The following IPO5 variants were observed in gnomAD, a reference collection of about 807,000 sequenced individuals.
The protein encoded by IPO5 is importin-5.
In IPO5, 18 loss-of-function variants were observed where a neutral mutation model predicts 143.3. The ratio of observed to expected loss-of-function variants is 0.13; its 90% CI spans 0.09 to 0.19. IPO5 has a LOEUF of 0.19. Ranked by LOEUF, IPO5 falls within the 10% of genes least tolerant of loss-of-function variation. The probability of loss-of-function intolerance (pLI) is 1.00; values close to 1 mark genes in which losing one functional copy is unlikely to be tolerated. For missense variants in IPO5, 1,013 were observed against 1,336.9 expected, an observed-to-expected ratio of 0.76 and a Z score of 3.78; for synonymous variants, 477 against 465.7, an observed-to-expected ratio of 1.02 and a Z score of -0.31.
chr13:98,017,437 A>G (rs1266439872), intron 25 of IPO5, among the ~76,000 whole-genome samples: 1 of 151,912 alleles, frequency 6.6e-6, no homozygotes, highest in Non-Finnish European at 1.5e-5. Context: ...GGTTCAAGCA[A>G]TTCAGACGCA....
rs1714750887 is a variant in IPO5 at position 98,023,189 on chromosome 13, T to C, written c.*1367T>C. 6.6e-6 allele frequency: 1 copy of C among 152,558 alleles called. No homozygotes were observed. The highest frequency in any genetic ancestry group is 1.5e-5 in the Non-Finnish European group (1 of 68,044). 9.5% of individuals were successfully genotyped at this position (152,558 alleles called of 1,614,324 possible). ...ATGCCCTTCAAATATATTTTACGTT[T>C]GCAGCACAACACCATTGCCCGGAGG... On this transcript the variant is annotated 3_prime_UTR_variant, in exon 29 of 29. Transcript: ENST00000651721.
At chr13:97,965,846 T>C (rs567534978) in intron 2 of IPO5, among the ~76,000 whole-genome samples, 2 of 151,568 alleles carry the variant, frequency 1.3e-5, no homozygotes, top group African/African-American at 4.9e-5. Context: ...TGAATAGAGA[T>C]AGAATTTCCA....
intron 6 of IPO5, among the ~76,000 whole-genome samples, chr13:97,988,617 G>A (rs901062772): frequency 2.6e-5 from 4 of 152,112 alleles, no homozygotes; most frequent in African/African-American, 7.2e-5. Flanking sequence ...GCCAAACCTC[G>A]TCTCTACTAA....
At chr13:97,962,034 C>A (rs1459269491) in intron 2 of IPO5, among the ~76,000 whole-genome samples, 1 of 152,180 alleles carries the variant, frequency 6.6e-6, no homozygotes, top group South Asian at 2.1e-4. Flanking sequence ...GAGGCTGAGG[C>A]AGGAGAATCA....
intron 2 of IPO5, among the ~76,000 whole-genome samples, chr13:97,955,573 A>AGTG (rs1884399186): frequency 6.6e-6 from 1 of 152,204 alleles, no homozygotes; most frequent in African/African-American, 2.4e-5. Context: ...AGCAAGCCTA[A>AGTG]GTGGCCTGTG....
intron 22 of IPO5, 45 bp from the exon 23 acceptor site, chr13:98,015,485 A>T (rs1890065207): frequency 8.7e-7 from 1 of 1,143,290 alleles, no homozygotes; most frequent in Non-Finnish European, 1.3e-6. Context: ...TGGACTCCAA[A>T]CACCCCAAAT....
At chr13:98,006,505 G>A (rs914470420) in intron 17 of IPO5, among the ~76,000 whole-genome samples, 157 bp downstream of exon 17, 14 of 151,002 alleles carry the variant, frequency 9.3e-5, no homozygotes, top group African/African-American at 3.4e-4. Context: ...CTCCCGAGTA[G>A]CTGGGACTAC....
chr13:97,966,902 G>C (rs967528463), intron 2 of IPO5, among the ~76,000 whole-genome samples: 1 of 152,138 alleles, frequency 6.6e-6, no homozygotes, highest in Non-Finnish European at 1.5e-5. Context: ...CGGGTGTGGT[G>C]GTGTGTGCCT....
At chr13:97,985,291 T>G in intron 5 of IPO5, 130 bp from the exon 6 acceptor site, 1 of 687,548 alleles carries the variant, frequency 1.5e-6, no homozygotes, top group Non-Finnish European at 2.4e-6. Context: ...TATAATAGAC[T>G]AATGTAATTA....
At position 98,013,944 on chromosome 13, in the gene IPO5, A is replaced by G. The variant is rs963513696; in HGVS notation, c.2153-98A>G. 91 of 977,626 alleles carry G rather than the reference A, an allele frequency of 9.3e-5. 1 individual carries two copies. The Admixed American group carries it at 2.0e-3, about 22-fold the overall frequency. 60.6% of individuals were successfully genotyped at this position (977,626 alleles called of 1,614,324 possible). A position where few individuals can be genotyped will look rare whatever the true frequency, so the allele number is the denominator to read the frequency against. On this transcript the variant is annotated intron_variant, in intron 21 of 28. Coordinates refer to ENST00000651721, the MANE Select transcript of IPO5 (RefSeq NM_002271.6). ...TAACACAAGCTCTTGGGTATCTTAG[A>G]TAAACAGAAGTTGCCTAGCACTCCT...
At chr13:98,000,187 A>AGGTAGGAGAATAGCATGAAGCTGG (rs1566530087) in intron 12 of IPO5, among the ~76,000 whole-genome samples, 5 of 152,164 alleles carry the variant, frequency 3.3e-5, no homozygotes, top group Non-Finnish European at 1.5e-5. Flanking sequence ...CGGGAGGCTG[A>AGGTAGGAGAATAGCATGAAGCTGG]GGTAGGAGAA....
At chr13:97,988,743 G>A (rs913262262) in intron 6 of IPO5, among the ~76,000 whole-genome samples, 4 of 152,126 alleles carry the variant, frequency 2.6e-5, no homozygotes, top group African/African-American at 4.8e-5. Flanking sequence ...AACCGAGATC[G>A]CGCCATTGCA....
At chr13:97,980,342 C>T (rs894330503) in intron 4 of IPO5, among the ~76,000 whole-genome samples, 1 of 152,172 alleles carries the variant, frequency 6.6e-6, no homozygotes, top group Non-Finnish European at 1.5e-5. Context: ...CAGACATCAT[C>T]TGTCACTCGT....
At chr13:97,957,024 C>T (rs905280613) in intron 2 of IPO5, among the ~76,000 whole-genome samples, 1 of 152,146 alleles carries the variant, frequency 6.6e-6, no homozygotes, top group Non-Finnish European at 1.5e-5. Context: ...GACCTTAAAA[C>T]GCATTCCTAC....
chr13:97,976,065 C>G lies in IPO5; in HGVS notation c.-4-628C>G, dbSNP rs571359235. The G allele has an allele frequency of 5.9e-6, 4 of 674,188 alleles. No homozygotes were observed. The South Asian group carries it at 2.0e-4, about 33-fold the overall frequency. 41.8% of individuals were successfully genotyped at this position (674,188 alleles called of 1,614,324 possible). On this transcript the variant is annotated intron_variant, in intron 3 of 28. Coordinates refer to ENST00000651721, the MANE Select transcript of IPO5 (RefSeq NM_002271.6). ...GGGTGAAGGGCTGGATCCCAGGGAG[C>G]GAGGGACCAAAGGGGTGGGGCCTGC...
chr13:98,021,102 A>C lies in IPO5; in HGVS notation c.3176A>C (p.Lys1059Thr). 1 of 1,609,552 alleles carries C rather than the reference A, an allele frequency of 6.2e-7. No individual in the cohort carries two copies. Among genetic ancestry groups the C allele is most frequent in the Non-Finnish European group, 8.5e-7 (1 of 1,178,498 alleles). ...EAIKHEDPCA[K>T]RLANVVRQVQ... ...ATTAAACATGAAGATCCTTGTGCCAAACGTCTGGCCAATGTCGTTCGCCAA... is the reference window on the plus strand; with the variant it reads ...ATTAAACATGAAGATCCTTGTGCCACACGTCTGGCCAATGTCGTTCGCCAA... The change falls in exon 28 of 29, where the codon AAA becomes ACA. Residue 1059 changes from lysine to threonine, a missense_variant. Coordinates refer to ENST00000651721, the MANE Select transcript of IPO5 (RefSeq NM_002271.6).
Position 97,976,754 on chromosome 13 carries a change from A to G in IPO5, c.58A>G (p.Ser20Gly), listed in dbSNP as rs1886375465. ...CTACCTGCTCCTGGGAAACCTGCTCAGCCCCGACAATGTGGTCCGGAAACA... is the reference window on the plus strand; with the variant it reads ...CTACCTGCTCCTGGGAAACCTGCTCGGCCCCGACAATGTGGTCCGGAAACA... ...QFYLLLGNLL[S>G]PDNVVRKQAE... Residue 20 changes from serine (S) to glycine (G), a missense_variant, in exon 4 of 29, where the codon AGC becomes GGC. Around this residue, in one of 2 missense-constraint regions of IPO5, gnomAD observed 328 missense variants for 342.0 expected, o/e 0.96. Transcript: ENST00000651721. 7.1e-7 allele frequency: 1 copy of G among 1,415,744 alleles called. No individual in the cohort carries two copies. Among genetic ancestry groups the G allele is most frequent in the Non-Finnish European group, 9.4e-7 (1 of 1,060,422 alleles). 87.7% of individuals were successfully genotyped at this position (1,415,744 alleles called of 1,614,324 possible).
chr13:98,000,623 CATT>C lies in IPO5; in HGVS notation c.1089_1091del (p.Ile363del), dbSNP rs1463598453. On this transcript the variant is annotated inframe_deletion, in exon 13 of 29. Transcript: ENST00000651721. ...TCGTTCTGCCGATGATCAAGGAACA[CATT>C]ATGCAAATGCTTCAAAATCGTAAGC... The C allele has an allele frequency of 2.5e-6, 4 of 1,613,744 alleles. No homozygotes were observed. Among genetic ancestry groups the C allele is most frequent in the Non-Finnish European group, 3.4e-6 (4 of 1,179,632 alleles).
chr13:97,953,960 T>C (rs745484556), intron 1 of IPO5, 159 bp from the exon 2 acceptor site: 2 of 455,332 alleles, frequency 4.4e-6, no homozygotes, highest in South Asian at 3.1e-5. Context: ...TGATGGCTCA[T>C]TGTTCTTTGG....
Sources: gnomAD v4.1 joint callset for allele counts (sites outside exome capture counted in the v4.1 genomes callset) on GRCh38, gnomAD v4.1.1 for gene constraint, gnomAD v4.1.1 regional missense constraint, MANE v1.5 for transcripts, NCBI Gene and HGNC (gene_info 2026-07-23, HGNC 2026-07-21) for gene names.